GRB2: variants seen among roughly 807,000 people sequenced by gnomAD.
GRB2 encodes growth factor receptor-bound protein 2.
In GRB2, 2 loss-of-function variants were observed where a neutral mutation model predicts 27.4. The ratio of observed to expected loss-of-function variants is 0.07; its 90% CI spans 0.03 to 0.23. The LOEUF is 0.23. Among genes scored for constraint, GRB2 ranks in the 10% least tolerant of loss-of-function variants. GRB2 has a pLI of 1.00. For missense variants in GRB2, 102 were observed against 282.4 expected (o/e 0.36, Z 4.58); for synonymous variants, 94 against 99.6 (o/e 0.94, Z 0.33).
At chr17:75,333,034 T>G (rs771302621) in intron 2 of GRB2, among the ~76,000 whole-genome samples, 4 of 151,854 alleles carry the variant, frequency 2.6e-5, no homozygotes, top group African/African-American at 7.3e-5. Context: ...ACATCTGGAA[T>G]GAAACCCTCA....
chr17:75,367,355 T>G (rs886917120), intron 2 of GRB2, among the ~76,000 whole-genome samples: 1 of 152,078 alleles, frequency 6.6e-6, no homozygotes, highest in South Asian at 2.1e-4. Context: ...AAAAAACTTT[T>G]TGTAGAGGTA....
rs187879295 is a variant in GRB2 at position 75,331,047 on chromosome 17, T to C, written c.176+1653A>G. Among the ~76,000 whole-genome samples, 6 of 151,692 alleles carry C rather than the reference T, an allele frequency of 4.0e-5. No individual in the cohort carries two copies. In the East Asian group the frequency reaches 5.8e-4, roughly 15 times the overall value. ...AAACAAACAAAAAAACAGGAGGTGGTAGGATGTGGAGGAGAAGGCCTGGTA... is the reference window on the plus strand; with the variant it reads ...AAACAAACAAAAAAACAGGAGGTGGCAGGATGTGGAGGAGAAGGCCTGGTA... On this transcript the variant is annotated intron_variant, in intron 3 of 5. Coordinates refer to ENST00000316804, the MANE Select transcript of GRB2 (RefSeq NM_002086.5).
chr17:75,399,646 C>T (rs942240746), intron 1 of GRB2, among the ~76,000 whole-genome samples: 3 of 144,888 alleles, frequency 2.1e-5, no homozygotes, highest in Non-Finnish European at 3.0e-5. Context: ...GATTACAGGC[C>T]GTGAGCCACC....
chr17:75,332,937 C>T (rs1163409896), intron 2 of GRB2, 140 bp from the exon 3 acceptor site: 4 of 509,718 alleles, frequency 7.8e-6, no homozygotes, highest in Non-Finnish European at 1.4e-5. Context: ...TATAAGACTC[C>T]TTTTAACTTC....
At chr17:75,363,727 G>C (rs576610817) in intron 2 of GRB2, among the ~76,000 whole-genome samples, 1 of 152,024 alleles carries the variant, frequency 6.6e-6, no homozygotes, top group East Asian at 1.9e-4. Flanking sequence ...GGGCATGGTA[G>C]CAGGTGCCTG....
intron 2 of GRB2, among the ~76,000 whole-genome samples, chr17:75,350,158 T>C (rs1274788743): frequency 2.7e-5 from 4 of 150,370 alleles, no homozygotes; most frequent in African/African-American, 7.3e-5. Context: ...TTTAAGGCTA[T>C]AGTGTGCTAT....
intron 1 of GRB2, among the ~76,000 whole-genome samples, chr17:75,398,301 C>G (rs2079041715): frequency 6.6e-6 from 1 of 152,150 alleles, no homozygotes; most frequent in South Asian, 2.1e-4. Context: ...AAGGGTCTCA[C>G]TCTGTAGCAA....
intron 2 of GRB2, among the ~76,000 whole-genome samples, chr17:75,363,450 TA>T: frequency 6.6e-6 from 1 of 152,322 alleles, no homozygotes; most frequent in East Asian, 1.9e-4. Context: ...CACTGTCTAT[TA>T]TTTCAGGAAA....
chr17:75,330,898 T>G (rs2078536407), intron 3 of GRB2, among the ~76,000 whole-genome samples: 1 of 152,154 alleles, frequency 6.6e-6, no homozygotes. Flanking sequence ...GCAGCACTAA[T>G]GCCAACAATC....
intron 1 of GRB2, among the ~76,000 whole-genome samples, chr17:75,396,854 A>C (rs2079031853): frequency 6.6e-6 from 1 of 152,220 alleles, no homozygotes; most frequent in Non-Finnish European, 1.5e-5. Flanking sequence ...TTATTTTTGA[A>C]AAACAGAAAT....
At chr17:75,359,162 CAAAAAAAAAAAA>C (rs3082676) in intron 2 of GRB2, among the ~76,000 whole-genome samples, 1 of 64,722 alleles carries the variant, frequency 1.5e-5, no homozygotes, top group African/African-American at 5.5e-5. Flanking sequence ...GACTACATCT[CAAAAAAAAAAAA>C]AAAAAAAAAA....
intron 2 of GRB2, among the ~76,000 whole-genome samples, chr17:75,385,699 T>C (rs766660260): frequency 2.6e-5 from 4 of 152,222 alleles, no homozygotes; most frequent in Non-Finnish European, 5.9e-5. Flanking sequence ...TTACAAGATT[T>C]GCGTGAGATT....
Position 75,370,738 on chromosome 17 carries a change from C to T in GRB2, c.78+22813G>A, listed in dbSNP as rs568224134. ...CTGTTCTTTGGCACTTTCCCTAGGG[C>T]TATGGGTTGTGTAAACTATGTAAAT... On this transcript the variant is annotated intron_variant, in intron 2 of 5. Transcript: ENST00000316804. Among the ~76,000 whole-genome samples, 510 of 152,354 alleles carry T rather than the reference C, an allele frequency of 3.3e-3. 2 individuals are homozygous for T. The highest frequency in any genetic ancestry group is 5.6e-3 in the Non-Finnish European group (381 of 68,036).
chr17:75,331,356 A>C (rs2078540000), intron 3 of GRB2, among the ~76,000 whole-genome samples: 1 of 152,226 alleles, frequency 6.6e-6, no homozygotes, highest in Non-Finnish European at 1.5e-5. Flanking sequence ...TAGTGGGGAC[A>C]AAAGGTCAAG....
intron 2 of GRB2, among the ~76,000 whole-genome samples, chr17:75,390,542 A>G (rs905153905): frequency 6.6e-6 from 1 of 152,134 alleles, no homozygotes; most frequent in African/African-American, 2.4e-5. Flanking sequence ...TCCCTCCCCG[A>G]GCCAAGAAAA....
intron 2 of GRB2, among the ~76,000 whole-genome samples, chr17:75,349,565 C>T (rs2078676322): frequency 7.2e-6 from 1 of 138,688 alleles, no homozygotes; most frequent in South Asian, 2.3e-4. Flanking sequence ...GGCTGGACTG[C>T]AGTGATGCGA....
At position 75,320,398 on chromosome 17, in the gene GRB2, A is replaced by G. The variant is rs780355028; in HGVS notation, c.624T>C (p.Asn208=). The change falls in exon 6 of 6, where the codon AAT becomes AAC. Residue 208 remains asparagine, a synonymous_variant. Coordinates refer to ENST00000316804, the MANE Select transcript of GRB2 (RefSeq NM_002086.5). This position sits in a 1 kb window ranked among gnomAD's most constrained non-coding sequence, Gnocchi z 4.3. ...CGTTCCGGTTCACGGGGGTGACATA[A>G]TTGCGGGGAAACATGCCGGTCTGCC... ...CHGQTGMFPR[N]YVTPVNRNV 3 of 1,614,128 alleles carry G rather than the reference A, an allele frequency of 1.9e-6. No individual in the cohort carries two copies. The Admixed American group carries it at 5.0e-5, about 27-fold the overall frequency.
chr17:75,398,279 T>G (rs1161468205), intron 1 of GRB2, among the ~76,000 whole-genome samples: 1 of 152,180 alleles, frequency 6.6e-6, no homozygotes, highest in East Asian at 1.9e-4. Flanking sequence ...ATTTATTTAT[T>G]TATTTTTCAG....
chr17:75,357,229 G>A (rs772758527), intron 2 of GRB2, among the ~76,000 whole-genome samples: 9 of 152,184 alleles, frequency 5.9e-5, no homozygotes, highest in Non-Finnish European at 1.0e-4. Flanking sequence ...CTACACTGAT[G>A]TAGTTAAGTC....
Sources: gnomAD v4.1 joint callset for allele counts (sites outside exome capture counted in the v4.1 genomes callset) on GRCh38, gnomAD v4.1.1 for gene constraint, Gnocchi (gnomAD v3.1) non-coding constraint, MANE v1.5 for transcripts, NCBI Gene and HGNC (gene_info 2026-07-23, HGNC 2026-07-21) for gene names.